Variants in CFAP58 observed in about 807,000 individuals in gnomAD.
CFAP58 encodes the protein cilia and flagella associated protein 58, also known as cilia- and flagella-associated protein 58.
A neutral mutation model predicts 119.5 loss-of-function variants in CFAP58; 88 were observed. That is an observed-to-expected ratio of 0.74 (90% CI 0.62 to 0.88). The LOEUF is 0.88. Ranked by LOEUF, CFAP58 falls within the 40% of genes least tolerant of loss-of-function variation. The pLI is 0.00. For synonymous variants in CFAP58, 365 were observed against 366.3 expected (o/e 1.00, Z 0.04); for missense variants, 990 against 1,021.2 (o/e 0.97, Z 0.42).
chr10:104,435,902 A>G (rs2012925859), intron 15 of CFAP58, among the ~76,000 whole-genome samples: 1 of 152,172 alleles, frequency 6.6e-6, no homozygotes, highest in African/African-American at 2.4e-5. Flanking sequence ...TTCTGCCTGA[A>G]GCCTGCTCCT....
chr10:104,422,874 T>TG (rs1182444330), intron 15 of CFAP58, among the ~76,000 whole-genome samples: 1 of 152,210 alleles, frequency 6.6e-6, no homozygotes, highest in Non-Finnish European at 1.5e-5. Context: ...TAGTTACAAG[T>TG]GGCTCTTGTT....
chr10:104,362,032 A>G lies in CFAP58; in HGVS notation c.301A>G (p.Lys101Glu). The G allele has an allele frequency of 6.2e-7, 1 of 1,613,146 alleles. No homozygotes were observed. The highest frequency in any genetic ancestry group is 8.5e-7 in the Non-Finnish European group (1 of 1,179,660). The change falls in exon 3 of 18, where the codon AAG (lysine) becomes GAG (glutamate). Residue 101 changes from lysine (K) to glutamate (E), a missense_variant. Coordinates refer to ENST00000369704, the MANE Select transcript of CFAP58 (RefSeq NM_001008723.2). The part of the protein sequence containing the change: ...TIASLKKEIE[K>E]AWKMVDSAYD... ...CCTATGGCCCATCTAGGAAATTGAA[A>G]AGGCCTGGAAGATGGTGGACTCAGC...
the CFAP58 span, among the ~76,000 whole-genome samples, chr10:104,345,134 G>A: frequency 6.6e-6 from 1 of 151,502 alleles, no homozygotes; most frequent in African/African-American, 2.4e-5. Flanking sequence ...GCGACAGAGT[G>A]AGACTCTGTC....
intron 3 of CFAP58, among the ~76,000 whole-genome samples, chr10:104,363,354 G>A (rs2014697932): frequency 2.0e-5 from 3 of 152,146 alleles, no homozygotes; most frequent in Non-Finnish European, 4.4e-5. Flanking sequence ...GGGCAGCCAA[G>A]GAAATTAACC....
chr10:104,413,749 C>CATG (rs954046593), intron 15 of CFAP58, among the ~76,000 whole-genome samples: 7 of 142,276 alleles, frequency 4.9e-5, no homozygotes, highest in African/African-American at 2.1e-4. Context: ...TCATCATCAT[C>CATG]AAGATGGCAT....
intron 15 of CFAP58, among the ~76,000 whole-genome samples, chr10:104,434,166 A>G (rs1229307281): frequency 6.6e-6 from 1 of 152,240 alleles, no homozygotes; most frequent in East Asian, 1.9e-4. Context: ...TAATGTCTAT[A>G]AAGTGGTTTT....
intron 15 of CFAP58, among the ~76,000 whole-genome samples, chr10:104,419,104 CT>C (rs1460973164): frequency 6.6e-6 from 1 of 152,216 alleles, no homozygotes; most frequent in Non-Finnish European, 1.5e-5. Context: ...GCTGCCACTT[CT>C]TTCTGGGGTT....
upstream of CFAP58, chr10:104,353,810 G>A (rs1303450799): frequency 9.3e-6 from 14 of 1,508,106 alleles, no homozygotes; most frequent in South Asian, 1.2e-4. Context: ...GAGACAGCGC[G>A]TCGCGCCTTT....
chr10:104,346,672 G>A, the CFAP58 span, among the ~76,000 whole-genome samples: 6 of 111,986 alleles, frequency 5.4e-5, no homozygotes, highest in African/African-American at 2.2e-4. Context: ...GTCTCACTCT[G>A]TCGCCCAGGC....
chr10:104,416,090 T>G (rs1436720405), intron 15 of CFAP58, among the ~76,000 whole-genome samples: 2 of 152,164 alleles, frequency 1.3e-5, no homozygotes, highest in African/African-American at 4.8e-5. Flanking sequence ...CCTCCTAGAC[T>G]GATAGAACTG....
chr10:104,424,079 A>G (rs1159637117), intron 15 of CFAP58, among the ~76,000 whole-genome samples: 1 of 152,142 alleles, frequency 6.6e-6, no homozygotes, highest in East Asian at 1.9e-4. Flanking sequence ...TGCTGATTTT[A>G]TTATCTTAAA....
chr10:104,415,009 C>T (rs1465755476), intron 15 of CFAP58, among the ~76,000 whole-genome samples: 5 of 152,326 alleles, frequency 3.3e-5, no homozygotes, highest in Non-Finnish European at 5.9e-5. Flanking sequence ...GCCTGCCCAC[C>T]GCAGTCACTG....
intron 7 of CFAP58, among the ~76,000 whole-genome samples, chr10:104,374,019 C>T (rs1432345466): frequency 6.6e-6 from 1 of 151,946 alleles, no homozygotes; most frequent in Non-Finnish European, 1.5e-5. Flanking sequence ...AAGTCAATAC[C>T]AAATGTTGAA....
In CFAP58 at chr10:104,380,023, T is replaced by C. The variant is rs771688411; in HGVS notation, c.1174-6T>C. Reference sequence around the variant, plus strand: ...TAATGTGACTGCTTTGTGCCCTTATTTTTAGAACATGCTTAAGGCGGTCAA... The same window carrying C: ...TAATGTGACTGCTTTGTGCCCTTATCTTTAGAACATGCTTAAGGCGGTCAA... On this transcript the variant is annotated splice_polypyrimidine_tract_variant and splice_region_variant and intron_variant, in intron 8 of 17. Coordinates refer to ENST00000369704, the MANE Select transcript of CFAP58 (RefSeq NM_001008723.2). 4.3e-6 allele frequency: 7 copies of C among 1,609,928 alleles called. No homozygotes were observed. Among genetic ancestry groups the C allele is most frequent in the Non-Finnish European group, 5.9e-6 (7 of 1,178,330 alleles).
chr10:104,362,168 G>A lies in CFAP58; in HGVS notation c.437G>A (p.Ser146Asn). 1.2e-6 allele frequency: 2 copies of A among 1,611,810 alleles called. No individual in the cohort carries two copies. Among genetic ancestry groups the A allele is most frequent in the Non-Finnish European group, 8.5e-7 (1 of 1,179,028 alleles). The stretch of plus-strand genomic sequence containing the variant: ...TCTGGACTGTCAATGGACCAGCATA[G>A]CAAGTAGGTCATAGCCTTGTTGATG... ...QGSGLSMDQH[S>N]NIRDLLRFKE... is the part of the protein sequence containing the mutation. The change falls in exon 3 of 18, where the codon AGC (serine) becomes AAC (asparagine). Residue 146 changes from serine to asparagine, a missense_variant. Coordinates refer to ENST00000369704, the MANE Select transcript of CFAP58 (RefSeq NM_001008723.2).
intron 11 of CFAP58, among the ~76,000 whole-genome samples, chr10:104,394,184 C>A (rs1232425906): frequency 1.3e-5 from 2 of 152,236 alleles, no homozygotes; most frequent in Non-Finnish European, 2.9e-5. Context: ...AATCCTCTAA[C>A]CAAATATGTT....
intron 15 of CFAP58, among the ~76,000 whole-genome samples, chr10:104,418,479 C>T (rs529239142): frequency 3.9e-5 from 6 of 152,266 alleles, no homozygotes; most frequent in South Asian, 2.1e-4. Flanking sequence ...ACCCAGGAGG[C>T]GGAGCTTGCA....
At chr10:104,339,532 G>A in the CFAP58 span, among the ~76,000 whole-genome samples, 1 of 152,204 alleles carries the variant, frequency 6.6e-6, no homozygotes, top group Non-Finnish European at 1.5e-5. Context: ...GCACATTGGG[G>A]AAATTGGAAC....
rs572078594 is a variant in CFAP58 at position 104,403,665 on chromosome 10, A to G, written c.2040-64A>G. The G allele has an allele frequency of 2.6e-5, 29 of 1,113,036 alleles. No homozygotes were observed. The African/African-American group carries it at 4.3e-4, about 17-fold the overall frequency. 68.9% of individuals were successfully genotyped at this position (1,113,036 alleles called of 1,614,324 possible). A position where few individuals can be genotyped will look rare whatever the true frequency, so the allele number is the denominator to read the frequency against. The stretch of plus-strand genomic sequence containing the variant: ...AGACATAGTGTGTATGCAACTAATT[A>G]AAGATAGATAGGATATTCAAACGGG... On this transcript the variant is annotated intron_variant, in intron 13 of 17. Transcript: ENST00000369704.
Sources: gnomAD v4.1 joint callset for allele counts (sites outside exome capture counted in the v4.1 genomes callset) on GRCh38, gnomAD v4.1.1 for gene constraint, MANE v1.5 for transcripts, NCBI Gene and HGNC (gene_info 2026-07-23, HGNC 2026-07-21) for gene names.